The following TRIM9 variants were observed in gnomAD, a reference collection of about 807,000 sequenced individuals.
The protein encoded by TRIM9 is E3 ubiquitin-protein ligase TRIM9.
Under a neutral mutation model 78.3 loss-of-function variants are expected in TRIM9, and 26 were observed. The observed-to-expected ratio is 0.33, with a 90% CI of 0.24 to 0.46. The LOEUF is 0.46. TRIM9 is among the 20% of genes least tolerant of loss of function. The pLI, the probability that TRIM9 is intolerant of heterozygous loss-of-function variation, is 1.00. For synonymous variants in TRIM9, 398 were observed against 416.5 expected (o/e 0.96, Z 0.54); for missense variants, 787 against 1,036.4 (o/e 0.76, Z 3.30).
chr14:51,030,381 G>C (rs955016853), intron 1 of TRIM9, among the ~76,000 whole-genome samples: 1 of 152,196 alleles, frequency 6.6e-6, no homozygotes, highest in South Asian at 2.1e-4. Flanking sequence ...GAAGATCCTG[G>C]ATATACCCCA....
intron 1 of TRIM9, among the ~76,000 whole-genome samples, chr14:51,062,503 T>C (rs2061427930): frequency 6.6e-6 from 1 of 152,190 alleles, no homozygotes; most frequent in Admixed American, 6.5e-5. Context: ...ATGTAGATAT[T>C]TGAAAACTAT....
At chr14:51,049,770 A>G (rs2060244615) in intron 1 of TRIM9, among the ~76,000 whole-genome samples, 1 of 152,010 alleles carries the variant, frequency 6.6e-6, no homozygotes, top group East Asian at 1.9e-4. Flanking sequence ...GGTTGCAGTG[A>G]GCCGAGATTG....
At chr14:51,070,621 T>A (rs1378092568) in intron 1 of TRIM9, among the ~76,000 whole-genome samples, 1 of 152,000 alleles carries the variant, frequency 6.6e-6, no homozygotes, top group Non-Finnish European at 1.5e-5. Flanking sequence ...TATCTCTGAG[T>A]GTCATATTGG....
intron 1 of TRIM9, among the ~76,000 whole-genome samples, chr14:51,066,080 GGAA>G (rs1383994520): frequency 1.3e-4 from 17 of 131,240 alleles, no homozygotes; most frequent in African/African-American, 3.4e-4. Context: ...AAGGAAGGAA[GGAA>G]GGAAGGAGGG....
intron 1 of TRIM9, among the ~76,000 whole-genome samples, chr14:51,048,920 C>T (rs1464814505): frequency 2.0e-5 from 3 of 149,090 alleles, no homozygotes; most frequent in Non-Finnish European, 4.4e-5. Flanking sequence ...GGAGGCGGTG[C>T]TTGCAGTGAG....
At chr14:51,000,305 G>C (rs938350235) in intron 6 of TRIM9, among the ~76,000 whole-genome samples, 1 of 152,158 alleles carries the variant, frequency 6.6e-6, no homozygotes, top group African/African-American at 2.4e-5. Context: ...TTATCTAATG[G>C]ACTCTTAGCA....
At chr14:51,026,666 T>A (rs10400783) in intron 1 of TRIM9, among the ~76,000 whole-genome samples, 10,257 of 152,244 alleles carry the variant, frequency 0.067, 663 homozygotes, top group African/African-American at 0.17. Context: ...CTTATATTTG[T>A]CTTTTAAATA....
chr14:50,990,166 T>A (rs2053307524), intron 7 of TRIM9, among the ~76,000 whole-genome samples: 2 of 152,140 alleles, frequency 1.3e-5, no homozygotes, highest in African/African-American at 4.8e-5. Context: ...TACAGGTGCA[T>A]ACCACTGCAC....
At chr14:51,028,295 T>G (rs148425981) in intron 1 of TRIM9, among the ~76,000 whole-genome samples, 41 of 152,360 alleles carry the variant, frequency 2.7e-4, no homozygotes, top group African/African-American at 9.6e-4. Flanking sequence ...ATCATTCTCT[T>G]AAGCTTTGTC....
At position 51,034,995 on chromosome 14, in the gene TRIM9, G is replaced by A. The variant is rs142498585; in HGVS notation, c.823-9635C>T. On this transcript the variant is annotated intron_variant, in intron 1 of 12. Transcript: ENST00000684578. ...AGTATTATGTAGCTATTGAAAGGGG[G>A]TAGTAACATATTTAGTCATATGGGA... 3.2e-3 allele frequency among the ~76,000 whole-genome samples: 489 copies of A among 152,300 alleles called. 2 individuals carry two copies. The highest frequency in any genetic ancestry group is 4.9e-3 in the Non-Finnish European group (336 of 68,028).
At chr14:51,015,935 T>C (rs1300674951) in intron 3 of TRIM9, among the ~76,000 whole-genome samples, 2 of 152,240 alleles carry the variant, frequency 1.3e-5, no homozygotes, top group African/African-American at 4.8e-5. Context: ...ATATAAGCTA[T>C]GCCTTCCCAT....
intron 1 of TRIM9, among the ~76,000 whole-genome samples, chr14:51,033,371 G>A (rs150820906): frequency 8.5e-5 from 13 of 152,326 alleles, no homozygotes; most frequent in Non-Finnish European, 1.3e-4. Context: ...GATTACAGGC[G>A]TGAGCCACTG....
chr14:51,055,834 T>C (rs190756525), intron 1 of TRIM9, among the ~76,000 whole-genome samples: 9 of 152,364 alleles, frequency 5.9e-5, no homozygotes, highest in Admixed American at 3.9e-4. Context: ...ATGTACATTT[T>C]AGAACCCATG....
chr14:51,075,499 A>G (rs2140266720), intron 1 of TRIM9, among the ~76,000 whole-genome samples: 1 of 152,274 alleles, frequency 6.6e-6, no homozygotes, highest in East Asian at 1.9e-4. Context: ...TCTCTAGGAC[A>G]TTTACAATCC....
At chr14:51,053,380 G>T (rs934742929) in intron 1 of TRIM9, among the ~76,000 whole-genome samples, 7 of 151,654 alleles carry the variant, frequency 4.6e-5, no homozygotes, top group Non-Finnish European at 8.8e-5. Context: ...GCACACTCAT[G>T]ATAGGAGATG....
chr14:51,006,132 G>T (rs576643918), intron 5 of TRIM9, among the ~76,000 whole-genome samples: 7 of 152,280 alleles, frequency 4.6e-5, no homozygotes, highest in African/African-American at 1.7e-4. Flanking sequence ...ATGATTTTGA[G>T]TCAGAACTTT....
At chr14:51,094,017 C>A in intron 1 of TRIM9, 101 bp downstream of exon 1, 1 of 1,221,218 alleles carries the variant, frequency 8.2e-7, no homozygotes, top group Non-Finnish European at 1.2e-6. Flanking sequence ...TGCATTGCGC[C>A]CCCACTGGGA....
Position 51,052,609 on chromosome 14 carries a change from C to T in TRIM9, c.823-27249G>A, listed in dbSNP as rs571709257. On this transcript the variant is annotated intron_variant, in intron 1 of 12. Transcript: ENST00000684578. ...ATTTCATCTTTTCAATGATATGAGC[C>T]TCTGATTTAAAGTAGGAATTCTGAT... 1.8e-3 allele frequency among the ~76,000 whole-genome samples: 274 copies of T among 152,264 alleles called. 1 individual carries two copies. The highest frequency in any genetic ancestry group is 5.7e-3 in the African/African-American group (238 of 41,548).
At position 50,977,335 on chromosome 14, in the gene TRIM9, G is replaced by A. The variant is rs756642057; in HGVS notation, c.2344C>T (p.Leu782Phe). ...CTGGAGTAGAAGTCGGGGACTGGGA[G>A]CCCGGTGTGCAGCGTGACCTGGGGA... ...RNVQVTLHTG[L>F]PVPDFYSSRA... The change falls in exon 13 of 13, where the codon CTC becomes TTC. Residue 782 changes from leucine (L) to phenylalanine (F), a missense_variant. Leu to Phe is a conservative substitution (Grantham distance 22). Transcript: ENST00000684578. The A allele has an allele frequency of 3.2e-6, 5 of 1,551,624 alleles. No individual in the cohort carries two copies. In the South Asian group the frequency reaches 6.0e-5, roughly 19 times the overall value.
Sources: allele counts gnomAD v4.1 joint callset (sites outside exome capture counted in the v4.1 genomes callset), GRCh38; gene constraint gnomAD v4.1.1; transcripts MANE v1.5; gene names NCBI Gene and HGNC (gene_info 2026-07-23, HGNC 2026-07-21).